The following SCG3 variants were observed in gnomAD, a reference collection of about 807,000 sequenced individuals.
SCG3 encodes the protein secretogranin-3.
Under a neutral mutation model 56.2 loss-of-function variants are expected in SCG3, and 38 were observed. The ratio of observed to expected loss-of-function variants is 0.68; its 90% CI spans 0.52 to 0.89. The LOEUF (loss-of-function observed/expected upper bound fraction) is 0.89. Among genes scored for constraint, SCG3 ranks in the 40% least tolerant of loss-of-function variants. SCG3 has a pLI of 0.00. For synonymous variants in SCG3, 176 were observed against 184.2 expected, an observed-to-expected ratio of 0.96 and a Z score of 0.36; for missense variants, 524 against 540.7, an observed-to-expected ratio of 0.97 and a Z score of 0.31.
At chr15:51,707,620 G>A (rs1214709950) in intron 10 of SCG3, among the ~76,000 whole-genome samples, 1 of 152,216 alleles carries the variant, frequency 6.6e-6, no homozygotes, top group African/African-American at 2.4e-5. Flanking sequence ...CAGAAGATGA[G>A]CAACTTGCTC....
At chr15:51,685,118 G>A (rs1432626353) in intron 4 of SCG3, among the ~76,000 whole-genome samples, 1 of 152,196 alleles carries the variant, frequency 6.6e-6, no homozygotes, top group East Asian at 1.9e-4. Flanking sequence ...AGTGTCACGT[G>A]TACCTATGAA....
Position 51,686,996 on chromosome 15 carries a change from G to A in SCG3, c.398-1264G>A, listed in dbSNP as rs1409493354. Among the ~76,000 whole-genome samples the A allele has an allele frequency of 3.9e-5, 6 of 152,300 alleles. No individual in the cohort carries two copies. In the East Asian group the frequency reaches 1.2e-3, roughly 29 times the overall value. On this transcript the variant is annotated intron_variant, in intron 4 of 11. Coordinates refer to ENST00000220478, the MANE Select transcript of SCG3 (RefSeq NM_013243.4). ...TCCCCAAAACCCATGGAAGAAAAGA[G>A]CAGAATCAGAATAGAAATACTAGGC... is the stretch of plus-strand genomic sequence containing the variant.
chr15:51,698,062 A>C (rs983578168), intron 8 of SCG3, among the ~76,000 whole-genome samples: 1 of 152,234 alleles, frequency 6.6e-6, no homozygotes, highest in Non-Finnish European at 1.5e-5. Flanking sequence ...ATGATTACAA[A>C]TGTTGCCAGG....
rs1331957070 is a variant in SCG3, at chr15:51,683,123, A to G, written c.180A>G (p.Pro60=). 6.2e-7 allele frequency: 1 copy of G among 1,608,342 alleles called. No homozygotes were observed. The highest frequency in any genetic ancestry group is 2.2e-5 in the East Asian group (1 of 44,804). The change falls in exon 3 of 12, where the codon CCA becomes CCG. Residue 60 remains proline (P), a splice_region_variant and synonymous_variant. Coordinates refer to ENST00000220478, the MANE Select transcript of SCG3 (RefSeq NM_013243.4). ...ACAAGATTAAAAAAACATATCCTCC[A>G]GGTAAAAAGAAATCATATTGATGTT... ...EEDKIKKTYP[P]ENKPGQSNYS... is the part of the protein sequence containing the mutation.
intron 10 of SCG3, among the ~76,000 whole-genome samples, chr15:51,709,662 CATATATATATATATATATATATAT>C (rs148744249): frequency 1.7e-3 from 49 of 28,406 alleles, no homozygotes; most frequent in East Asian, 5.7e-3. Flanking sequence ...AAATCTATGC[CATATATATATATATATATATATAT>C]ATATATATAT....
intron 5 of SCG3, among the ~76,000 whole-genome samples, chr15:51,688,978 G>A (rs528725215): frequency 8.9e-4 from 135 of 152,132 alleles, no homozygotes; most frequent in Non-Finnish European, 1.3e-3. Flanking sequence ...TGTGGTCCAT[G>A]GGTTTCAACA....
intron 9 of SCG3, among the ~76,000 whole-genome samples, 156 bp downstream of exon 9, chr15:51,699,558 T>C (rs1162769308): frequency 6.6e-6 from 1 of 152,208 alleles, no homozygotes; most frequent in East Asian, 1.9e-4. Flanking sequence ...TGACCTTGGC[T>C]ATTTTGTGGC....
intron 4 of SCG3, among the ~76,000 whole-genome samples, chr15:51,686,923 T>C (rs1166089319): frequency 6.6e-6 from 1 of 152,150 alleles, no homozygotes. Flanking sequence ...ATACCTCTAT[T>C]TTCATAGAGT....
intron 9 of SCG3, 101 bp downstream of exon 9, chr15:51,699,503 GAA>G (rs757256033): frequency 1.7e-5 from 15 of 870,734 alleles, no homozygotes; most frequent in African/African-American, 3.5e-5. Flanking sequence ...TACAGATTTT[GAA>G]AAGTGTTAAA....
chr15:51,705,055 T>C (rs890992941), intron 10 of SCG3, among the ~76,000 whole-genome samples: 1 of 151,984 alleles, frequency 6.6e-6, no homozygotes, highest in Non-Finnish European at 1.5e-5. Context: ...TTTTTAAAAA[T>C]AGCTAACCAG....
At chr15:51,683,980 G>A (rs1329877215) in intron 4 of SCG3, among the ~76,000 whole-genome samples, 1 of 152,012 alleles carries the variant, frequency 6.6e-6, no homozygotes, top group East Asian at 1.9e-4. Flanking sequence ...TTTTCCCTTG[G>A]CAGTGTCAGA....
chr15:51,688,118 GTTTC>G, intron 4 of SCG3, 138 bp from the exon 5 acceptor site: 1 of 762,330 alleles, frequency 1.3e-6, no homozygotes, highest in Non-Finnish European at 1.9e-6. Context: ...CAAACCGAGG[GTTTC>G]TGTGGACCGA....
At chr15:51,692,414 T>G (rs1051926351) in intron 7 of SCG3, 78 bp downstream of exon 7, 27 of 1,332,004 alleles carry the variant, frequency 2.0e-5, no homozygotes, top group Non-Finnish European at 2.6e-5. Context: ...CTTTTCTTCC[T>G]GTTTTCAGTT....
intron 7 of SCG3, among the ~76,000 whole-genome samples, chr15:51,694,753 G>A (rs896161583): frequency 6.6e-6 from 1 of 152,160 alleles, no homozygotes; most frequent in Non-Finnish European, 1.5e-5. Flanking sequence ...CCAAGAGGCC[G>A]AGCGCGGTGG....
chr15:51,702,060 G>T (rs1595835894), intron 10 of SCG3, among the ~76,000 whole-genome samples: 1 of 152,080 alleles, frequency 6.6e-6, no homozygotes, highest in East Asian at 1.9e-4. Flanking sequence ...TTGTGCACAT[G>T]TACCCTAGAA....
chr15:51,688,977 T>G (rs2055248317), intron 5 of SCG3, among the ~76,000 whole-genome samples: 1 of 152,090 alleles, frequency 6.6e-6, no homozygotes, highest in Non-Finnish European at 1.5e-5. Context: ...ATGTGGTCCA[T>G]GGGTTTCAAC....
chr15:51,713,363 G>GA lies in SCG3; in HGVS notation c.1244dup (p.Asn415LysfsTer3). ...ACAGAAGCCTATTTGGAAGCCATCA[G>GA]AAAAAATATTGAATGGTTGAAGAAA... On this transcript the variant is annotated frameshift_variant, in exon 11 of 12. Transcript: ENST00000220478. LOFTEE classifies it high-confidence loss of function. 1.2e-6 allele frequency: 2 copies of GA among 1,606,194 alleles called. No homozygotes were observed. The highest frequency in any genetic ancestry group is 2.2e-5 in the East Asian group (1 of 44,736).
Position 51,683,089 on chromosome 15 carries a change from C to T in SCG3, c.146C>T (p.Ala49Val), listed in dbSNP as rs2055205013. 1 of 1,609,198 alleles carries T rather than the reference C, an allele frequency of 6.2e-7. No individual in the cohort carries two copies. The highest frequency in any genetic ancestry group is 8.5e-7 in the Non-Finnish European group (1 of 1,178,328). ...ERPLNEQIAE[A>V]EEDKIKKTYP... ...CTGTTTGCTTCACAGATTGCTGAAG[C>T]AGAAGAAGACAAGATTAAAAAAACA... Residue 49 changes from alanine to valine, a missense_variant, in exon 3 of 12, where the codon GCA becomes GTA. Coordinates refer to ENST00000220478, the MANE Select transcript of SCG3 (RefSeq NM_013243.4).
chr15:51,713,362 A>G lies in SCG3; in HGVS notation c.1237A>G (p.Arg413Gly), dbSNP rs781747485. Reference protein sequence around the residue: ...GKTEAYLEAIRKNIEWLKKHD... With the variant: ...GKTEAYLEAIGKNIEWLKKHD... ...AACAGAAGCCTATTTGGAAGCCATC[A>G]GAAAAAATATTGAATGGTTGAAGAA... Residue 413 changes from arginine (R) to glycine (G), a missense_variant, in exon 11 of 12, where the codon AGA becomes GGA. Coordinates refer to ENST00000220478, the MANE Select transcript of SCG3 (RefSeq NM_013243.4). 1 of 1,607,110 alleles carries G rather than the reference A, an allele frequency of 6.2e-7. No homozygotes were observed. The highest frequency in any genetic ancestry group is 8.5e-7 in the Non-Finnish European group (1 of 1,177,478).
Sources: gnomAD v4.1 joint callset for allele counts (sites outside exome capture counted in the v4.1 genomes callset) on GRCh38, gnomAD v4.1.1 for gene constraint, MANE v1.5 for transcripts, NCBI Gene and HGNC (gene_info 2026-07-23, HGNC 2026-07-21) for gene names.